Variants in RNF180 observed in about 807,000 individuals in gnomAD.
RNF180 encodes the protein E3 ubiquitin-protein ligase RNF180.
Under a neutral mutation model 59.2 loss-of-function variants are expected in RNF180, and 38 were observed. The observed-to-expected ratio is 0.64, with a 90% confidence interval of 0.50 to 0.84. The LOEUF is 0.84. Among genes scored for constraint, RNF180 ranks in the 40% least tolerant of loss-of-function variants. The pLI is 0.00. For missense variants in RNF180, 705 were observed against 700.9 expected (o/e 1.01, Z -0.07); for synonymous variants, 262 against 240.3 (o/e 1.09, Z -0.84).
chr5:64,326,852 C>T (rs1744669667), intron 6 of RNF180, among the ~76,000 whole-genome samples: 2 of 152,112 alleles, frequency 1.3e-5, no homozygotes, highest in Non-Finnish European at 2.9e-5. Flanking sequence ...CCCTCTGCTT[C>T]AATTTTTTGG....
chr5:64,351,764 A>C (rs1317462667), intron 7 of RNF180, among the ~76,000 whole-genome samples: 3 of 151,824 alleles, frequency 2.0e-5, no homozygotes, highest in African/African-American at 4.8e-5. Context: ...CCACTTGATC[A>C]TGGTGGATAA....
intron 2 of RNF180, among the ~76,000 whole-genome samples, chr5:64,204,730 T>C (rs188865906): frequency 4.2e-3 from 638 of 152,294 alleles, no homozygotes; most frequent in Non-Finnish European, 6.5e-3. Context: ...AAAATCTATA[T>C]TGTGAGGGGA....
intron 1 of RNF180, among the ~76,000 whole-genome samples, chr5:64,187,790 A>G (rs1483993838): frequency 1.3e-5 from 2 of 152,218 alleles, no homozygotes; most frequent in African/African-American, 4.8e-5. Flanking sequence ...AGGCACATAC[A>G]TTCCATAGGC....
At chr5:64,331,231 G>A (rs1744892992) in intron 7 of RNF180, among the ~76,000 whole-genome samples, 1 of 152,206 alleles carries the variant, frequency 6.6e-6, no homozygotes, top group Non-Finnish European at 1.5e-5. Context: ...GGGCACTGTG[G>A]GCACCGTGGA....
intron 7 of RNF180, among the ~76,000 whole-genome samples, chr5:64,340,785 A>G (rs2112562692): frequency 6.6e-6 from 1 of 152,276 alleles, no homozygotes; most frequent in East Asian, 1.9e-4. Flanking sequence ...TTAGAATTTC[A>G]GAAGCCTTTT....
At chr5:64,211,347 T>A (rs1376993096) in intron 2 of RNF180, among the ~76,000 whole-genome samples, 1 of 152,128 alleles carries the variant, frequency 6.6e-6, no homozygotes, top group Non-Finnish European at 1.5e-5. Flanking sequence ...ACCTGGGGAT[T>A]AATGCTCAAT....
intron 3 of RNF180, among the ~76,000 whole-genome samples, chr5:64,212,557 C>G (rs917694510): frequency 6.6e-6 from 1 of 152,112 alleles, no homozygotes; most frequent in Non-Finnish European, 1.5e-5. Context: ...TTGTATTTCC[C>G]AGCACCAAGA....
chr5:64,167,590 A>T lies in RNF180; in HGVS notation c.-1+1637A>T, dbSNP rs531370179. ...AGCCTCTTTAATAAGCACCTCATAC[A>T]TGAAGCAGGAATTCTTCCAGGCAAG... On this transcript the variant is annotated intron_variant, in intron 1 of 7. Transcript: ENST00000389100. Among the ~76,000 whole-genome samples the T allele has an allele frequency of 1.6e-3, 241 of 152,330 alleles. 1 individual carries two copies. Among genetic ancestry groups the T allele is most frequent in the Non-Finnish European group, 3.0e-3 (206 of 68,020 alleles).
intron 5 of RNF180, among the ~76,000 whole-genome samples, chr5:64,223,839 C>T (rs1005375628): frequency 1.2e-4 from 19 of 152,112 alleles, no homozygotes; most frequent in African/African-American, 4.6e-4. Flanking sequence ...AATATCATCG[C>T]TTCCTGGAAA....
At chr5:64,349,978 G>A (rs1429799204) in intron 7 of RNF180, among the ~76,000 whole-genome samples, 3 of 152,060 alleles carry the variant, frequency 2.0e-5, no homozygotes, top group Non-Finnish European at 2.9e-5. Flanking sequence ...CTAGATCCTT[G>A]AGGAATCACC....
At chr5:64,268,331 A>G (rs1167468310) in intron 5 of RNF180, among the ~76,000 whole-genome samples, 1 of 152,188 alleles carries the variant, frequency 6.6e-6, no homozygotes, top group African/African-American at 2.4e-5. Context: ...CAGCCAGATT[A>G]TAAATTAAGA....
At chr5:64,355,605 A>C (rs1397949385) in intron 7 of RNF180, among the ~76,000 whole-genome samples, 3 of 151,934 alleles carry the variant, frequency 2.0e-5, no homozygotes, top group Non-Finnish European at 4.4e-5. Context: ...CATAACCAAA[A>C]AAAATCCTGA....
chr5:64,236,495 T>C (rs539586381), intron 5 of RNF180, among the ~76,000 whole-genome samples: 1 of 152,196 alleles, frequency 6.6e-6, no homozygotes, highest in East Asian at 1.9e-4. Flanking sequence ...TATAAAGATT[T>C]GGAAATTTTG....
chr5:64,319,188 A>C (rs1744217097), intron 5 of RNF180, among the ~76,000 whole-genome samples: 1 of 152,064 alleles, frequency 6.6e-6, no homozygotes, highest in Non-Finnish European at 1.5e-5. Flanking sequence ...AAAAAAAAAA[A>C]AAACTTTGTA....
chr5:64,357,489 T>C (rs1356775862), intron 7 of RNF180, among the ~76,000 whole-genome samples: 2 of 151,858 alleles, frequency 1.3e-5, no homozygotes, highest in Admixed American at 1.3e-4. Flanking sequence ...ACCTGCAAAA[T>C]GTCTTTCAAA....
intron 1 of RNF180, among the ~76,000 whole-genome samples, chr5:64,183,864 A>G (rs886795296): frequency 1.3e-5 from 2 of 152,252 alleles, no homozygotes; most frequent in African/African-American, 4.8e-5. Context: ...TTTCTAAAAC[A>G]TCAGTCTCTA....
intron 5 of RNF180, among the ~76,000 whole-genome samples, chr5:64,297,075 C>T (rs1742918024): frequency 6.6e-6 from 1 of 151,874 alleles, no homozygotes; most frequent in Non-Finnish European, 1.5e-5. Flanking sequence ...TATAGAATTC[C>T]AGTCGATAAC....
intron 7 of RNF180, among the ~76,000 whole-genome samples, chr5:64,346,359 CTTTTT>C (rs1162054033): frequency 5.2e-3 from 223 of 42,920 alleles, no homozygotes; most frequent in African/African-American, 0.02. Flanking sequence ...TTCTTTTCTT[CTTTTT>C]TTTTTTTTTT....
intron 5 of RNF180, among the ~76,000 whole-genome samples, chr5:64,226,870 C>G (rs1430487261): frequency 6.6e-6 from 1 of 152,084 alleles, no homozygotes; most frequent in Non-Finnish European, 1.5e-5. Context: ...CCTGGGAGAT[C>G]GTGGCAAGTT....
Sources: gnomAD v4.1 joint callset for allele counts (sites outside exome capture counted in the v4.1 genomes callset) on GRCh38, gnomAD v4.1.1 for gene constraint, MANE v1.5 for transcripts, NCBI Gene and HGNC (gene_info 2026-07-23, HGNC 2026-07-21) for gene names.